MYOF: variants seen among roughly 807,000 people sequenced by gnomAD.
The protein encoded by MYOF is myoferlin.
Under a neutral mutation model 284.2 loss-of-function variants are expected in MYOF, and 244 were observed. The ratio of observed to expected loss-of-function variants is 0.86; its 90% CI spans 0.77 to 0.95. The LOEUF is 0.95. Among genes scored for constraint, MYOF ranks in the 40% least tolerant of loss-of-function variants. The pLI, the probability that MYOF is intolerant of heterozygous loss-of-function variation, is 0.00. For missense variants in MYOF, 2,496 were observed against 2,560.6 expected (o/e 0.97, Z 0.54); for synonymous variants, 904 against 919.7 (o/e 0.98, Z 0.31).
intron 46 of MYOF, among the ~76,000 whole-genome samples, chr10:93,325,030 G>A (rs765734424): frequency 2.0e-5 from 3 of 152,130 alleles, no homozygotes; most frequent in Admixed American, 6.5e-5. Context: ...CACCTGCCTC[G>A]ACCTCCCAAA....
At chr10:93,453,875 A>C (rs2056663585) in intron 2 of MYOF, among the ~76,000 whole-genome samples, 1 of 151,224 alleles carries the variant, frequency 6.6e-6, no homozygotes, top group Admixed American at 6.6e-5. Context: ...GCAGAGGAAG[A>C]CCCTGTCTCA....
chr10:93,433,250 C>T (rs1304047288), intron 3 of MYOF, among the ~76,000 whole-genome samples: 10 of 152,156 alleles, frequency 6.6e-5, no homozygotes, highest in East Asian at 3.9e-4. Flanking sequence ...CTCCGCCTCC[C>T]GGGTTTAAGC....
intron 50 of MYOF, among the ~76,000 whole-genome samples, chr10:93,316,265 C>T (rs540655941): frequency 6.6e-6 from 1 of 151,790 alleles, no homozygotes; most frequent in Admixed American, 6.6e-5. Context: ...AGGGAAGGGC[C>T]CGGGCTAAGG....
At chr10:93,336,097 C>A (rs1164752220) in intron 40 of MYOF, 51 bp from the exon 41 acceptor site, 1 of 1,589,732 alleles carries the variant, frequency 6.3e-7, no homozygotes, top group African/African-American at 1.3e-5. Context: ...CAGGTAAGGT[C>A]TAAAATCAAA....
chr10:93,387,176 G>C (rs181761470), intron 19 of MYOF, among the ~76,000 whole-genome samples: 17 of 152,336 alleles, frequency 1.1e-4, no homozygotes, highest in African/African-American at 4.1e-4. Context: ...TCAGGGCAGG[G>C]CCTGTCCTGT....
At position 93,329,696 on chromosome 10, in the gene MYOF, C is replaced by T. The variant is rs1303309716; in HGVS notation, c.4950G>A (p.Gly1650=). ...DLENRFLSRF[G]SHCGIPEEYC... is the part of the protein sequence containing the mutation. Reference sequence around the variant, plus strand: ...ACTCCTCTGGTATGCCGCAGTGGGACCCAAAGCGGGAAAGGAATCGGTTTT... The same window carrying T: ...ACTCCTCTGGTATGCCGCAGTGGGATCCAAAGCGGGAAAGGAATCGGTTTT... Residue 1650 remains glycine (G), a synonymous_variant, in exon 44 of 54, where the codon GGG becomes GGA. Transcript: ENST00000359263. The T allele has an allele frequency of 6.8e-6, 11 of 1,614,146 alleles. No homozygotes were observed. Among genetic ancestry groups the T allele is most frequent in the Non-Finnish European group, 8.5e-6 (10 of 1,180,048 alleles).
chr10:93,314,596 G>C (rs973046008), intron 50 of MYOF, among the ~76,000 whole-genome samples: 3 of 152,144 alleles, frequency 2.0e-5, no homozygotes, highest in Non-Finnish European at 2.9e-5. Context: ...CAGGCTCAGG[G>C]ACTACCCTTC....
rs957044845 is a variant in MYOF, at chr10:93,351,828, C to T, written c.3500G>A (p.Cys1167Tyr). The T allele has an allele frequency of 1.1e-5, 18 of 1,583,998 alleles. No individual in the cohort carries two copies. The highest frequency in any genetic ancestry group is 1.5e-5 in the Non-Finnish European group (18 of 1,173,116). ...DSFSDPYAHI[C>Y]FLHRSKTTEI... ...AGTGGTTTTGCTCCGATGGAGGAAA[C>T]AGATATGAGCATATGGATCTAAAAC... Residue 1167 changes from cysteine to tyrosine, a missense_variant, in exon 33 of 54, where the codon TGT becomes TAT. Cys to Tyr is a radical substitution (Grantham distance 194, BLOSUM62 -2). Around this residue, in one of 3 missense-constraint regions of MYOF, gnomAD observed 2,436 missense variants for 2,480.7 expected, o/e 0.98. Coordinates refer to ENST00000359263, the MANE Select transcript of MYOF (RefSeq NM_013451.4).
At chr10:93,451,283 T>C (rs1186674860) in intron 3 of MYOF, among the ~76,000 whole-genome samples, 3 of 151,982 alleles carry the variant, frequency 2.0e-5, no homozygotes, top group Non-Finnish European at 4.4e-5. Flanking sequence ...AAGGTTGCAG[T>C]GAGCCAAGAT....
rs769422043 is a variant in MYOF at position 93,313,147 on chromosome 10, A to G, written c.5762T>C (p.Leu1921Ser). ...GGCTTTGAGGTCCGGAATCATGTCCAATCTGCATTTCTCTGGTGATTTTGC... is the reference window on the plus strand; with the variant it reads ...GGCTTTGAGGTCCGGAATCATGTCCGATCTGCATTTCTCTGGTGATTTTGC... ...IPAKSPEKCR[L>S]DMIPDLKAMN... Residue 1921 changes from leucine (L) to serine (S), a missense_variant, in exon 51 of 54, where the codon TTG (leucine) becomes TCG (serine). Coordinates refer to ENST00000359263, the MANE Select transcript of MYOF (RefSeq NM_013451.4). 1 of 1,614,104 alleles carries G rather than the reference A, an allele frequency of 6.2e-7. No homozygotes were observed. The highest frequency in any genetic ancestry group is 8.5e-7 in the Non-Finnish European group (1 of 1,179,988).
chr10:93,397,439 A>T lies in MYOF; in HGVS notation c.1239T>A (p.Ile413=). The T allele has an allele frequency of 6.2e-7, 1 of 1,610,522 alleles. No homozygotes were observed. Residue 413 remains isoleucine, a synonymous_variant, in exon 14 of 54, where the codon ATT becomes ATA. Transcript: ENST00000359263. ...TCCACTCTGGGTTTGCATTTTTCTC[A>T]ATTATGTTTGTACAAACCTGTAAAA... ...FAGKKVCTNI[I]EKNANPEWNQ...
At chr10:93,468,701 C>T (rs2057067279) in intron 1 of MYOF, among the ~76,000 whole-genome samples, 1 of 152,192 alleles carries the variant, frequency 6.6e-6, no homozygotes, top group African/African-American at 2.4e-5. Flanking sequence ...TGGGCCCTGC[C>T]AGCAGTTTAA....
In MYOF at chr10:93,328,884, T is replaced by C. The variant is rs1245410901; in HGVS notation, c.5010A>G (p.Gln1670=). 3 of 1,612,340 alleles carry C rather than the reference T, an allele frequency of 1.9e-6. No individual in the cohort carries two copies. Among genetic ancestry groups the C allele is most frequent in the African/African-American group, 1.3e-5 (1 of 74,916 alleles). The change falls in exon 45 of 54, where the codon CAA becomes CAG. Residue 1670 remains glutamine, a synonymous_variant. Transcript: ENST00000359263. The part of the protein sequence containing the change: ...CVSGVNTWRD[Q]LRPTQLLQNV... ...TTTGAAGCAGCTGTGTTGGTCTCAG[T>C]TGATCTCGCCAGGTATTGACTCCAG...
chr10:93,428,373 G>GTTTT (rs34417274), intron 4 of MYOF, among the ~76,000 whole-genome samples: 1 of 145,472 alleles, frequency 6.9e-6, no homozygotes, highest in Non-Finnish European at 1.5e-5. Context: ...GCTAATTTTT[G>GTTTT]TTTTTTTTTT....
chr10:93,457,273 T>A (rs1364199648), intron 1 of MYOF, among the ~76,000 whole-genome samples: 1 of 152,196 alleles, frequency 6.6e-6, no homozygotes, highest in Non-Finnish European at 1.5e-5. Context: ...TGCTATTTTA[T>A]AGATGAGGAT....
intron 11 of MYOF, 76 bp downstream of exon 11, chr10:93,402,156 A>T (rs1465027929): frequency 1.8e-6 from 2 of 1,133,854 alleles, no homozygotes; most frequent in African/African-American, 1.5e-5. Context: ...TTTCACAATT[A>T]CCCATGCCCA....
intron 15 of MYOF, among the ~76,000 whole-genome samples, chr10:93,396,771 T>G (rs1847031316): frequency 6.6e-6 from 1 of 152,210 alleles, no homozygotes; most frequent in African/African-American, 2.4e-5. Flanking sequence ...ATTCCAAGAA[T>G]GGTCTTGTTA....
chr10:93,311,180 G>A (rs887179062), intron 51 of MYOF, among the ~76,000 whole-genome samples: 3 of 152,146 alleles, frequency 2.0e-5, no homozygotes, highest in African/African-American at 7.2e-5. Context: ...GGGTTCCTGA[G>A]TGATGTTCCC....
Position 93,316,737 on chromosome 10 carries a change from T to C in MYOF, c.5675A>G (p.Lys1892Arg), listed in dbSNP as rs1314943534. The C allele has an allele frequency of 6.2e-7, 1 of 1,613,740 alleles. No homozygotes were observed. Among genetic ancestry groups the C allele is most frequent in the African/African-American group, 1.3e-5 (1 of 74,888 alleles). ...ACCCAAGTAGTCATCCAGAGAAAAC[T>C]TGTCATTGTCCCATATCTGAATGAT... ...RLIIQIWDND[K>R]FSLDDYLGFL... The change falls in exon 50 of 54, where the codon AAG (lysine) becomes AGG (arginine). Residue 1892 changes from lysine to arginine, a missense_variant. Transcript: ENST00000359263.
Sources: gnomAD v4.1 joint callset for allele counts (sites outside exome capture counted in the v4.1 genomes callset) on GRCh38, gnomAD v4.1.1 for gene constraint, gnomAD v4.1.1 regional missense constraint, MANE v1.5 for transcripts, NCBI Gene and HGNC (gene_info 2026-07-23, HGNC 2026-07-21) for gene names.